The following SSB variants were observed in gnomAD, a reference collection of about 807,000 sequenced individuals.
SSB encodes lupus La protein.
A neutral mutation model predicts 52.9 loss-of-function variants in SSB; 17 were observed. The observed-to-expected ratio is 0.32, with a 90% CI of 0.22 to 0.48. The LOEUF (loss-of-function observed/expected upper bound fraction) is 0.48, where lower values mean the gene tolerates loss of function less well. Ranked by LOEUF, SSB falls within the 20% of genes least tolerant of loss-of-function variation. SSB has a pLI of 0.99. For synonymous variants in SSB, 111 were observed against 152.1 expected (o/e 0.73, Z 1.99); for missense variants, 314 against 463.6 (o/e 0.68, Z 2.96).
chr2:169,811,175 C>A lies in SSB; in HGVS notation c.998-8C>A, dbSNP rs766156155. The A allele has an allele frequency of 6.2e-7, 1 of 1,606,468 alleles. No individual in the cohort carries two copies. The highest frequency in any genetic ancestry group is 1.7e-4 in the Middle Eastern group (1 of 6,034). On this transcript the variant is annotated splice_polypyrimidine_tract_variant and splice_region_variant and intron_variant, in intron 10 of 11. Coordinates refer to ENST00000260956, the MANE Select transcript of SSB (RefSeq NM_003142.5). Reference sequence around the variant, plus strand: ...TTCTTTACAGAGTGCTCAATTGTGTCTCTACAGGTCGTAGATTTAAAGGAA... The same window carrying A: ...TTCTTTACAGAGTGCTCAATTGTGTATCTACAGGTCGTAGATTTAAAGGAA...
At chr2:169,801,227 ATAAAC>A (rs59782944) in intron 2 of SSB, among the ~76,000 whole-genome samples, 3,528 of 152,332 alleles carry the variant, frequency 0.023, 128 homozygotes, top group African/African-American at 0.08. Flanking sequence ...AGGTAACACT[ATAAAC>A]TAGAGTTACT....
chr2:169,807,119 A>G, intron 6 of SSB, 48 bp downstream of exon 6: 1 of 1,485,930 alleles, frequency 6.7e-7, no homozygotes, highest in African/African-American at 1.4e-5. Context: ...TTATATGGAC[A>G]CACACTAGGG....
At chr2:169,808,307 T>TA (rs376036663) in intron 6 of SSB, among the ~76,000 whole-genome samples, 175 bp from the exon 7 acceptor site, 1 of 152,122 alleles carries the variant, frequency 6.6e-6, no homozygotes, top group Admixed American at 6.5e-5. Context: ...AGCTGTTATA[T>TA]AAAAAAACAT....
At chr2:169,807,096 C>T in intron 6 of SSB, 25 bp downstream of exon 6, 1 of 1,600,442 alleles carries the variant, frequency 6.2e-7, no homozygotes, top group African/African-American at 1.3e-5. Context: ...TGATGTTTCT[C>T]CTGGCCTTTT....
At chr2:169,805,943 C>A in intron 4 of SSB, 104 bp downstream of exon 4, 2 of 1,095,752 alleles carry the variant, frequency 1.8e-6, no homozygotes, top group Non-Finnish European at 2.7e-6. Context: ...TACTGTATGT[C>A]CTTTCGTAAT....
chr2:169,809,754 A>C (rs1003871222), intron 8 of SSB, among the ~76,000 whole-genome samples: 18 of 151,724 alleles, frequency 1.2e-4, no homozygotes, highest in Non-Finnish European at 2.4e-4. Context: ...CTGGGACTAC[A>C]GGCGCCTGCC....
rs1211572850 is a variant in SSB at position 169,803,863 on chromosome 2, C to T, written c.67-1611C>T. 3.3e-5 allele frequency among the ~76,000 whole-genome samples: 5 copies of T among 152,026 alleles called. 1 individual carries two copies. In the Middle Eastern group the frequency reaches 0.01, roughly 312 times the overall value. On this transcript the variant is annotated intron_variant, in intron 2 of 11. Coordinates refer to ENST00000260956, the MANE Select transcript of SSB (RefSeq NM_003142.5). ...AAGCTAGTCTTGTGCCTCAGCCATCCGAGTAGTTGGGATTACAGGCGTGCA... is the reference window on the plus strand; with the variant it reads ...AAGCTAGTCTTGTGCCTCAGCCATCTGAGTAGTTGGGATTACAGGCGTGCA...
intron 2 of SSB, among the ~76,000 whole-genome samples, chr2:169,803,070 A>AC: frequency 6.6e-6 from 1 of 152,178 alleles, no homozygotes; most frequent in South Asian, 2.1e-4. Context: ...AAACACTGAT[A>AC]ATTGTCAGTT....
At chr2:169,807,144 GTA>G in intron 6 of SSB, 73 bp downstream of exon 6, 1 of 1,260,362 alleles carries the variant, frequency 7.9e-7, no homozygotes, top group Non-Finnish European at 1.1e-6. Context: ...GAGCATGGAA[GTA>G]GTATCCCCTG....
At chr2:169,799,583 T>G (rs1689664133) in intron 1 of SSB, 1 of 152,208 alleles carries the variant, frequency 6.6e-6, no homozygotes, top group Admixed American at 6.5e-5. Flanking sequence ...GTTCCAAAAT[T>G]AGGCCAAATA....
intron 2 of SSB, 68 bp from the exon 3 acceptor site, chr2:169,805,406 G>T (rs1689808732): frequency 8.6e-7 from 1 of 1,159,766 alleles, no homozygotes; most frequent in Non-Finnish European, 1.3e-6. Context: ...ACTTGGTACT[G>T]TAGAGTAATG....
At chr2:169,803,945 G>GC (rs1325941418) in intron 2 of SSB, among the ~76,000 whole-genome samples, 1 of 152,072 alleles carries the variant, frequency 6.6e-6, no homozygotes, top group Non-Finnish European at 1.5e-5. Flanking sequence ...CACCACTTTG[G>GC]CCAGTCTGTT....
At chr2:169,808,627 T>C (rs1022093597) in intron 7 of SSB, 74 bp downstream of exon 7, 13 of 1,371,644 alleles carry the variant, frequency 9.5e-6, no homozygotes, top group Non-Finnish European at 4.1e-6. Context: ...TGGTGAGCTC[T>C]GAAATAGTGG....
chr2:169,810,808 G>A, intron 9 of SSB, 50 bp from the exon 10 acceptor site: 1 of 1,530,898 alleles, frequency 6.5e-7, no homozygotes, highest in South Asian at 1.2e-5. Context: ...GAAATTAATT[G>A]TGGGACTAAA....
intron 1 of SSB, among the ~76,000 whole-genome samples, chr2:169,800,401 G>A (rs1573956491): frequency 6.6e-6 from 1 of 152,072 alleles, no homozygotes; most frequent in East Asian, 1.9e-4. Context: ...CGCAGCCGTG[G>A]TGGTGGGCGC....
At chr2:169,801,929 G>A (rs187465819) in intron 2 of SSB, among the ~76,000 whole-genome samples, 2 of 152,182 alleles carry the variant, frequency 1.3e-5, no homozygotes, top group Non-Finnish European at 2.9e-5. Flanking sequence ...CAAGTGATCC[G>A]TAGTACCTTT....
chr2:169,810,572 T>C (rs772495626), intron 9 of SSB, 149 bp downstream of exon 9: 27 of 771,416 alleles, frequency 3.5e-5, no homozygotes, highest in Non-Finnish European at 4.7e-5. Flanking sequence ...TGATGTCTGA[T>C]ATTTTCTGAA....
chr2:169,803,587 A>C (rs556011868), intron 2 of SSB, among the ~76,000 whole-genome samples: 1 of 152,172 alleles, frequency 6.6e-6, no homozygotes, highest in East Asian at 1.9e-4. Context: ...TTAGCTGGGC[A>C]TGGTGGCATG....
intron 4 of SSB, 72 bp downstream of exon 4, chr2:169,805,911 C>G: frequency 7.5e-7 from 1 of 1,331,872 alleles, no homozygotes; most frequent in Non-Finnish European, 1.1e-6. Context: ...AATAAGGGCT[C>G]AGGAATCACA....
Sources: gnomAD v4.1 joint callset for allele counts (sites outside exome capture counted in the v4.1 genomes callset) on GRCh38, gnomAD v4.1.1 for gene constraint, MANE v1.5 for transcripts, NCBI Gene and HGNC (gene_info 2026-07-23, HGNC 2026-07-21) for gene names.